The following CYB5RL variants were observed in gnomAD, a reference collection of about 807,000 sequenced individuals.
The protein encoded by CYB5RL is NADH-cytochrome b5 reductase-like.
Under a neutral mutation model 37.5 loss-of-function variants are expected in CYB5RL, and 38 were observed. The observed-to-expected ratio is 1.01, with a 90% confidence interval of 0.78 to 1.33. The LOEUF (loss-of-function observed/expected upper bound fraction) is 1.33. CYB5RL is among the 40% of genes most tolerant of loss of function. The probability of loss-of-function intolerance (pLI) is 0.00; values close to 1 mark genes in which losing one functional copy is unlikely to be tolerated. For missense variants in CYB5RL, 388 were observed against 394.4 expected (o/e 0.98, Z 0.14); for synonymous variants, 141 against 151.9 (o/e 0.93, Z 0.53).
At chr1:54,190,502 T>C (rs1479214635) in intron 4 of CYB5RL, 1 of 605,838 alleles carries the variant, frequency 1.7e-6, no homozygotes, top group African/African-American at 1.9e-5. Flanking sequence ...AATGATTTCA[T>C]GCCTATAAGC....
At chr1:54,178,228 C>A (rs1660070555) in intron 7 of CYB5RL, among the ~76,000 whole-genome samples, 1 of 152,194 alleles carries the variant, frequency 6.6e-6, no homozygotes, top group African/African-American at 2.4e-5. Context: ...CCACACCCAG[C>A]TACAATGTTG....
rs1187367762 is a variant in CYB5RL at position 54,179,458 on chromosome 1, C to T, written c.541-106G>A. On this transcript the variant is annotated intron_variant, in intron 6 of 7. Transcript: ENST00000534324. Reference sequence around the variant, plus strand: ...AGCTTCCTTCAACTGGACGGCAGTGCCCTTCCTTGGTGTCCAACCACCTAT... The same window carrying T: ...AGCTTCCTTCAACTGGACGGCAGTGTCCTTCCTTGGTGTCCAACCACCTAT... 8.4e-6 allele frequency: 10 copies of T among 1,194,876 alleles called. No individual in the cohort carries two copies. The Admixed American group carries it at 1.1e-4, about 13-fold the overall frequency. 74.0% of individuals were successfully genotyped at this position (1,194,876 alleles called of 1,614,324 possible).
chr1:54,190,732 C>A lies in CYB5RL; in HGVS notation c.347+16G>T, dbSNP rs978349765. 1.3e-6 allele frequency: 2 copies of A among 1,551,628 alleles called. No individual in the cohort carries two copies. Among genetic ancestry groups the A allele is most frequent in the Non-Finnish European group, 1.7e-6 (2 of 1,147,108 alleles). Reference sequence around the variant, plus strand: ...CAGGGCTGTGAAGCTTTGGTCCTCCCGCTACCTGAGTGTACCGTAGGATGA... The same window carrying A: ...CAGGGCTGTGAAGCTTTGGTCCTCCAGCTACCTGAGTGTACCGTAGGATGA... On this transcript the variant is annotated intron_variant, in intron 4 of 7. Coordinates refer to ENST00000534324, the MANE Select transcript of CYB5RL (RefSeq NM_001031672.4).
chr1:54,174,672 C>T lies in CYB5RL; in HGVS notation c.895G>A (p.Ala299Thr), dbSNP rs759133773. 9 of 1,613,334 alleles carry T rather than the reference C, an allele frequency of 5.6e-6. No homozygotes were observed. The Admixed American group carries it at 1.5e-4, about 27-fold the overall frequency. Reference sequence around the variant, plus strand: ...AGGCCTGCGCACAGTAAGCACCTGGCTATGTCTTTGGTGAACTCAGCCGAG... The same window carrying T: ...AGGCCTGCGCACAGTAAGCACCTGGTTATGTCTTTGGTGAACTCAGCCGAG... The part of the protein sequence containing the change: ...CGSAEFTKDI[A>T]RCLLCAGLTE... The change falls in exon 8 of 8, where the codon GCC becomes ACC. Residue 299 changes from alanine to threonine, a missense_variant. Ala to Thr is a moderately conservative substitution (Grantham distance 58). Coordinates refer to ENST00000534324, the MANE Select transcript of CYB5RL (RefSeq NM_001031672.4).
intron 6 of CYB5RL, chr1:54,180,187 A>C (rs1660122212): frequency 2.4e-6 from 1 of 416,324 alleles, no homozygotes; most frequent in Non-Finnish European, 4.7e-6. Flanking sequence ...CAGTGAGTCG[A>C]GATCATGCCA....
intron 3 of CYB5RL, among the ~76,000 whole-genome samples, chr1:54,194,023 AATAATG>A (rs1553178037): frequency 6.8e-6 from 1 of 147,486 alleles, no homozygotes; most frequent in Non-Finnish European, 1.5e-5. Context: ...TAATAATAAT[AATAATG>A]ATAATAATAA....
At chr1:54,183,975 C>CTAAATAAA (rs199724788) in intron 6 of CYB5RL, 186 bp downstream of exon 6, 7,782 of 355,506 alleles carry the variant, frequency 0.022, 399 homozygotes, top group East Asian at 0.14. Flanking sequence ...AACTCCGTCT[C>CTAAATAAA]TAAATAAATA....
At chr1:54,193,153 C>T (rs1433966824) in intron 3 of CYB5RL, among the ~76,000 whole-genome samples, 1 of 152,232 alleles carries the variant, frequency 6.6e-6, no homozygotes, top group African/African-American at 2.4e-5. Flanking sequence ...GCCTAGCACA[C>T]AGGATATGGT....
intron 1 of CYB5RL, among the ~76,000 whole-genome samples, chr1:54,199,732 C>G (rs1217438929): frequency 6.6e-6 from 1 of 152,202 alleles, no homozygotes; most frequent in Non-Finnish European, 1.5e-5. Context: ...AGCAGTCACG[C>G]TCAGAGCTGG....
chr1:54,173,628 A>G lies in CYB5RL; in HGVS notation c.*991T>C, dbSNP rs1016352157. 1.3e-5 allele frequency: 2 copies of G among 152,472 alleles called. No individual in the cohort carries two copies. Among genetic ancestry groups the G allele is most frequent in the African/African-American group, 4.8e-5 (2 of 41,464 alleles). The allele number at this position is 152,472 out of a possible 1,614,324, so 9.4% of individuals were successfully genotyped here. A position where few individuals can be genotyped will look rare whatever the true frequency, so the allele number is the denominator to read the frequency against. On this transcript the variant is annotated 3_prime_UTR_variant, in exon 8 of 8. Coordinates refer to ENST00000534324, the MANE Select transcript of CYB5RL (RefSeq NM_001031672.4). ...CTATGACTATAAAAGTCTAACTCTA[A>G]GATTCCATGGCTTAATATTCCAATT... is the stretch of plus-strand genomic sequence containing the variant.
At chr1:54,183,779 C>T (rs1660221631) in intron 6 of CYB5RL, among the ~76,000 whole-genome samples, 1 of 152,112 alleles carries the variant, frequency 6.6e-6, no homozygotes, top group Admixed American at 6.5e-5. Flanking sequence ...AGTTCATGAC[C>T]AGCCTGACCA....
In CYB5RL at chr1:54,172,895, G is replaced by A. The variant is rs1204824492; in HGVS notation, c.*1724C>T. ...TAGGCAGGAAGAGATCATGGTTCCT[G>A]CTCAGAATCTTTGACTCTCAGTCAG... On this transcript the variant is annotated 3_prime_UTR_variant, in exon 8 of 8. Transcript: ENST00000534324. 3 of 152,206 alleles carry A rather than the reference G, an allele frequency of 2.0e-5. No individual in the cohort carries two copies. Among genetic ancestry groups the A allele is most frequent in the East Asian group, 1.9e-4 (1 of 5,196 alleles). The allele number at this position is 152,206 out of a possible 1,614,324, so 9.4% of individuals were successfully genotyped here.
At chr1:54,183,495 G>C (rs977932915) in intron 6 of CYB5RL, among the ~76,000 whole-genome samples, 9 of 152,180 alleles carry the variant, frequency 5.9e-5, no homozygotes, top group African/African-American at 1.7e-4. Context: ...ATGAGGAGAA[G>C]AGCCATCTGA....
chr1:54,188,632 A>T (rs1346660304), intron 4 of CYB5RL, among the ~76,000 whole-genome samples: 2 of 152,192 alleles, frequency 1.3e-5, no homozygotes, highest in Non-Finnish European at 2.9e-5. Flanking sequence ...TATCTCATTT[A>T]ACTCAAACAA....
At position 54,170,662 on chromosome 1, in the gene CYB5RL, C is replaced by T. The variant is rs917575834; in HGVS notation, c.*3957G>A. On this transcript the variant is annotated 3_prime_UTR_variant, in exon 8 of 8. Transcript: ENST00000534324. ...TCCTGACCTCGTGATCCACCTGCCT[C>T]GGCCTCCCAAAGTGCTGGGATTACA... 5.7e-5 allele frequency: 10 copies of T among 175,770 alleles called. No individual in the cohort carries two copies. The highest frequency in any genetic ancestry group is 1.4e-4 in the African/African-American group (6 of 42,450). The allele number at this position is 175,770 out of a possible 1,614,324, so 10.9% of individuals were successfully genotyped here.
intron 7 of CYB5RL, among the ~76,000 whole-genome samples, chr1:54,177,695 A>G (rs865803520): frequency 1.3e-5 from 2 of 152,282 alleles, no homozygotes; most frequent in Middle Eastern, 3.4e-3. Context: ...TAAGCCTCAT[A>G]AGATTGTGGT....
At chr1:54,199,353 G>A (rs1644052465) in intron 1 of CYB5RL, among the ~76,000 whole-genome samples, 1 of 152,222 alleles carries the variant, frequency 6.6e-6, no homozygotes, top group Admixed American at 6.5e-5. Context: ...TATTAAGCAA[G>A]ATCAGGATGG....
intron 7 of CYB5RL, chr1:54,175,544 A>G (rs1195254284): frequency 6.2e-6 from 2 of 320,606 alleles, no homozygotes; most frequent in East Asian, 7.8e-5. Flanking sequence ...AATTTCTTCT[A>G]TTTTTTTAAA....
In CYB5RL at chr1:54,199,980, T is replaced by C. The variant is rs79520911; in HGVS notation, c.-227A>G. 2.5e-4 allele frequency: 129 copies of C among 506,590 alleles called. 1 individual carries two copies. The East Asian group carries it at 2.7e-3, about 11-fold the overall frequency. The allele number at this position is 506,590 out of a possible 1,614,324, so 31.4% of individuals were successfully genotyped here. ...CCACCCACCACGACCACTCACCTAC[T>C]CGCCTGCGCTTCACCTCACGTGAGG... On this transcript the variant is annotated 5_prime_UTR_variant, in exon 1 of 8. Coordinates refer to ENST00000534324, the MANE Select transcript of CYB5RL (RefSeq NM_001031672.4).
Sources: gnomAD v4.1 joint callset for allele counts (sites outside exome capture counted in the v4.1 genomes callset) on GRCh38, gnomAD v4.1.1 for gene constraint, MANE v1.5 for transcripts, NCBI Gene and HGNC (gene_info 2026-07-23, HGNC 2026-07-21) for gene names.